CDIN1: variants seen among roughly 807,000 people sequenced by gnomAD.
The protein encoded by CDIN1 is CDAN1 interacting nuclease 1, also known as CDAN1-interacting nuclease 1.
CDIN1 carries 33 observed loss-of-function variants against 45.3 expected under a neutral mutation model. The ratio of observed to expected loss-of-function variants is 0.73; its 90% CI spans 0.55 to 0.97. The LOEUF (loss-of-function observed/expected upper bound fraction) is 0.97, where lower values mean the gene tolerates loss of function less well. Among genes scored for constraint, CDIN1 ranks in the 50% least tolerant of loss-of-function variants. The pLI is 0.00. For synonymous variants in CDIN1, 118 were observed against 124.4 expected, an observed-to-expected ratio of 0.95 and a Z score of 0.34; for missense variants, 303 against 339.4, an observed-to-expected ratio of 0.89 and a Z score of 0.84.
intron 10 of CDIN1, among the ~76,000 whole-genome samples, chr15:36,731,532 T>C (rs2043834413): frequency 6.6e-6 from 1 of 152,144 alleles, no homozygotes; most frequent in Non-Finnish European, 1.5e-5. Context: ...ATTTACACTT[T>C]TATGTAACAC....
chr15:36,650,088 C>T (rs577472961), intron 3 of CDIN1, among the ~76,000 whole-genome samples: 2 of 152,310 alleles, frequency 1.3e-5, no homozygotes, highest in South Asian at 2.1e-4. Flanking sequence ...GATCTTCTAA[C>T]GCTGCTAAAG....
At chr15:36,789,467 A>G (rs1290913006) in intron 10 of CDIN1, among the ~76,000 whole-genome samples, 2 of 152,200 alleles carry the variant, frequency 1.3e-5, no homozygotes, top group Non-Finnish European at 2.9e-5. Flanking sequence ...CTAGTTTTTC[A>G]AGATGTATAT....
chr15:36,724,481 T>C lies in CDIN1; in HGVS notation c.716+14520T>C, dbSNP rs376014095. On this transcript the variant is annotated intron_variant, in intron 10 of 10. Coordinates refer to ENST00000566621, the MANE Select transcript of CDIN1 (RefSeq NM_001321759.2). ...GCAAAATAATGATGCTATTAAAGAA[T>C]TGGGAATAGAAAGTAATGTAGGTTA... 6.5e-4 allele frequency among the ~76,000 whole-genome samples: 99 copies of C among 152,252 alleles called. 2 individuals are homozygous for C. In the Middle Eastern group the frequency reaches 0.02, roughly 31 times the overall value.
chr15:36,630,806 A>G (rs1245076398), intron 1 of CDIN1, among the ~76,000 whole-genome samples: 1 of 152,158 alleles, frequency 6.6e-6, no homozygotes, highest in Admixed American at 6.5e-5. Context: ...CAGAGACCAC[A>G]TGGTGAGAGA....
At chr15:36,680,151 C>T (rs1400860436) in intron 5 of CDIN1, among the ~76,000 whole-genome samples, 1 of 152,168 alleles carries the variant, frequency 6.6e-6, no homozygotes, top group Non-Finnish European at 1.5e-5. Context: ...TTTATAGCCA[C>T]CAATGACCAT....
At chr15:36,614,690 T>C (rs2038803570) in intron 1 of CDIN1, among the ~76,000 whole-genome samples, 1 of 152,174 alleles carries the variant, frequency 6.6e-6, no homozygotes, top group Admixed American at 6.5e-5. Flanking sequence ...AAGACTGTAC[T>C]ATGGGAAGCC....
At chr15:36,644,210 T>C (rs1381959676) in intron 1 of CDIN1, 68 bp from the exon 2 acceptor site, 4 of 1,477,060 alleles carry the variant, frequency 2.7e-6, no homozygotes, top group South Asian at 1.2e-5. Flanking sequence ...CCTTTGAAGC[T>C]CCTTTCTCTT....
intron 5 of CDIN1, among the ~76,000 whole-genome samples, chr15:36,685,648 T>C (rs1338273361): frequency 6.6e-6 from 1 of 152,026 alleles, no homozygotes; most frequent in African/African-American, 2.4e-5. Flanking sequence ...GAAAATTTTC[T>C]CAACCTACTC....
intron 1 of CDIN1, chr15:36,614,204 GC>G: frequency 1.5e-6 from 1 of 652,574 alleles, no homozygotes; most frequent in Non-Finnish European, 2.9e-6. Context: ...GCTGTAGAAT[GC>G]CCCATTCCCA....
chr15:36,703,388 GATAT>G (rs1566915028), intron 8 of CDIN1, among the ~76,000 whole-genome samples: 59 of 11,582 alleles, frequency 5.1e-3, no homozygotes, highest in African/African-American at 0.017. Context: ...ATATATATCA[GATAT>G]ATATATATAT....
rs527883037 is a variant in CDIN1, at chr15:36,614,642, T to C, written c.102-29636T>C. On this transcript the variant is annotated intron_variant, in intron 1 of 10. Coordinates refer to ENST00000566621, the MANE Select transcript of CDIN1 (RefSeq NM_001321759.2). ...TCTCCATAGAGGAGAGGAAAAGGTATAGGCCTGCCTTACTGAGAGCCAAAC... is the reference window on the plus strand; with the variant it reads ...TCTCCATAGAGGAGAGGAAAAGGTACAGGCCTGCCTTACTGAGAGCCAAAC... Among the ~76,000 whole-genome samples, 28 of 152,276 alleles carry C rather than the reference T, an allele frequency of 1.8e-4. No homozygotes were observed. In the East Asian group the frequency reaches 4.8e-3, roughly 26 times the overall value.
intron 5 of CDIN1, among the ~76,000 whole-genome samples, chr15:36,684,823 G>T (rs1177026267): frequency 6.7e-6 from 1 of 149,192 alleles, no homozygotes; most frequent in South Asian, 2.2e-4. Context: ...TGTATGTGTC[G>T]AGGAATTTAT....
chr15:36,685,593 A>C (rs1265231297), intron 5 of CDIN1, among the ~76,000 whole-genome samples: 1 of 151,622 alleles, frequency 6.6e-6, no homozygotes, highest in Non-Finnish European at 1.5e-5. Context: ...TCTGTACAGC[A>C]AAAGAAACTA....
At chr15:36,607,965 T>C (rs929920620) in intron 1 of CDIN1, among the ~76,000 whole-genome samples, 1 of 152,228 alleles carries the variant, frequency 6.6e-6, no homozygotes, top group African/African-American at 2.4e-5. Context: ...TATTATACAA[T>C]ACGACTAGCT....
At chr15:36,736,200 C>T (rs1027008508) in intron 10 of CDIN1, among the ~76,000 whole-genome samples, 3 of 152,184 alleles carry the variant, frequency 2.0e-5, no homozygotes, top group African/African-American at 7.2e-5. Flanking sequence ...CCATTTCTCT[C>T]TCTGTTTTTG....
At chr15:36,589,999 G>A (rs540728578) in intron 1 of CDIN1, among the ~76,000 whole-genome samples, 134 of 152,164 alleles carry the variant, frequency 8.8e-4, no homozygotes, top group Non-Finnish European at 1.2e-3. Context: ...CTCTCTTCCC[G>A]TCCCTACCCT....
intron 10 of CDIN1, among the ~76,000 whole-genome samples, chr15:36,765,524 C>G (rs1467969888): frequency 6.6e-6 from 1 of 152,150 alleles, no homozygotes; most frequent in Non-Finnish European, 1.5e-5. Flanking sequence ...AAAAAGTAGT[C>G]AAACACAGGC....
chr15:36,776,590 G>T (rs187576282), intron 10 of CDIN1, among the ~76,000 whole-genome samples: 2 of 152,308 alleles, frequency 1.3e-5, no homozygotes, highest in African/African-American at 4.8e-5. Context: ...GTGCTAAAAG[G>T]ATGGTGTTTT....
chr15:36,749,255 G>T (rs552448802), intron 10 of CDIN1, among the ~76,000 whole-genome samples: 170 of 152,272 alleles, frequency 1.1e-3, no homozygotes, highest in African/African-American at 4.0e-3. Flanking sequence ...ATATGATACT[G>T]ATATAAACAT....
Sources: gnomAD v4.1 joint callset for allele counts (sites outside exome capture counted in the v4.1 genomes callset) on GRCh38, gnomAD v4.1.1 for gene constraint, MANE v1.5 for transcripts, NCBI Gene and HGNC (gene_info 2026-07-23, HGNC 2026-07-21) for gene names.